The following FBXL7 variants were observed in gnomAD, a reference collection of about 807,000 sequenced individuals.
The protein encoded by FBXL7 is F-box and leucine rich repeat protein 7, also known as F-box/LRR-repeat protein 7.
A neutral mutation model predicts 38.3 loss-of-function variants in FBXL7; 12 were observed. The observed-to-expected ratio is 0.31, with a 90% CI of 0.20 to 0.51. The LOEUF (loss-of-function observed/expected upper bound fraction) is 0.51. FBXL7 is among the 20% of genes least tolerant of loss of function. The probability of loss-of-function intolerance (pLI) is 0.98; values close to 1 mark genes in which losing one functional copy is unlikely to be tolerated. For missense variants in FBXL7, 567 were observed against 676.4 expected, an observed-to-expected ratio of 0.84 and a Z score of 1.79; for synonymous variants, 297 against 300.9, an observed-to-expected ratio of 0.99 and a Z score of 0.13.
intron 3 of FBXL7, among the ~76,000 whole-genome samples, chr5:15,929,118 G>A (rs1358398515): frequency 6.6e-6 from 1 of 152,154 alleles, no homozygotes; most frequent in Non-Finnish European, 1.5e-5. Context: ...GTGTGTTTTC[G>A]TACCACGGGC....
intron 2 of FBXL7, among the ~76,000 whole-genome samples, chr5:15,670,090 G>A (rs952294595): frequency 4.6e-5 from 7 of 152,146 alleles, no homozygotes; most frequent in African/African-American, 1.2e-4. Flanking sequence ...GAGGGAAAGC[G>A]GGTGTGTTGT....
intron 2 of FBXL7, among the ~76,000 whole-genome samples, chr5:15,705,793 A>G (rs4391163): frequency 0.55 from 83,323 of 151,236 alleles, 23,057 homozygotes; most frequent in East Asian, 0.68. Context: ...TTCCTACCCA[A>G]ACTGAACTCA....
Position 15,579,907 on chromosome 5 carries a change from G to A in FBXL7, c.38-36076G>A, listed in dbSNP as rs146667446. ...CCAAGCTGCTTACATGGCAGGAGAA[G>A]CTTTCAAGAGTTGCTTATTCCAGGG... On this transcript the variant is annotated intron_variant, in intron 1 of 3. Transcript: ENST00000504595. 3.9e-3 allele frequency among the ~76,000 whole-genome samples: 590 copies of A among 152,318 alleles called. 7 individuals carry two copies. The highest frequency in any genetic ancestry group is 0.013 in the African/African-American group (553 of 41,572).
At chr5:15,772,026 C>A (rs1046969113) in intron 2 of FBXL7, among the ~76,000 whole-genome samples, 3 of 152,026 alleles carry the variant, frequency 2.0e-5, no homozygotes, top group Non-Finnish European at 4.4e-5. Flanking sequence ...CCGCCTGGGC[C>A]TCCCAAAGTG....
At chr5:15,668,175 A>C (rs1396624919) in intron 2 of FBXL7, among the ~76,000 whole-genome samples, 1 of 152,176 alleles carries the variant, frequency 6.6e-6, no homozygotes, top group Non-Finnish European at 1.5e-5. Context: ...AGTTAGGCAC[A>C]AATGCCCTTC....
chr5:15,516,678 G>A (rs776234432), intron 1 of FBXL7, among the ~76,000 whole-genome samples: 4 of 152,062 alleles, frequency 2.6e-5, no homozygotes, highest in East Asian at 1.9e-4. Context: ...CCCACATGTC[G>A]TGGGAGGGAC....
chr5:15,934,189 G>C (rs929853739), intron 3 of FBXL7, among the ~76,000 whole-genome samples: 1 of 152,104 alleles, frequency 6.6e-6, no homozygotes, highest in African/African-American at 2.4e-5. Flanking sequence ...GTTTTTAGTA[G>C]AGACGGGGTT....
At position 15,649,492 on chromosome 5, in the gene FBXL7, T is replaced by A. The variant is rs115497349; in HGVS notation, c.127+33420T>A. Among the ~76,000 whole-genome samples the A allele has an allele frequency of 8.6e-3, 1,308 of 152,266 alleles. 13 individuals carry two copies. Among genetic ancestry groups the A allele is most frequent in the African/African-American group, 0.03 (1,241 of 41,548 alleles). On this transcript the variant is annotated intron_variant, in intron 2 of 3. Coordinates refer to ENST00000504595, the MANE Select transcript of FBXL7 (RefSeq NM_012304.5). ...GATTCATGGGCAGTGAGGACAGTAA[T>A]GCTGTGAGGTCCGCAGAGAAGGGAA...
In FBXL7 at chr5:15,612,822, C is replaced by T. The variant is rs78374369; in HGVS notation, c.38-3161C>T. 8.2e-3 allele frequency among the ~76,000 whole-genome samples: 1,250 copies of T among 152,172 alleles called. 14 individuals carry two copies. The highest frequency in any genetic ancestry group is 0.028 in the African/African-American group (1,177 of 41,532). ...TATGCAGGTTGAGTCCTCACGCAGC[C>T]GGGAGTGGGCACGTGCATGCCAAAA... On this transcript the variant is annotated intron_variant, in intron 1 of 3. Transcript: ENST00000504595.
At chr5:15,752,772 C>G (rs1278160989) in intron 2 of FBXL7, among the ~76,000 whole-genome samples, 1 of 151,976 alleles carries the variant, frequency 6.6e-6, no homozygotes, top group Non-Finnish European at 1.5e-5. Flanking sequence ...ATAAATTCAC[C>G]CCTAACCTCA....
At chr5:15,735,188 C>T (rs1735714258) in intron 2 of FBXL7, among the ~76,000 whole-genome samples, 1 of 152,228 alleles carries the variant, frequency 6.6e-6, no homozygotes, top group Admixed American at 6.5e-5. Context: ...CTGCCTTGGC[C>T]TCCCAAAGTG....
chr5:15,698,797 T>A (rs1743427226), intron 2 of FBXL7, among the ~76,000 whole-genome samples: 1 of 152,180 alleles, frequency 6.6e-6, no homozygotes, highest in South Asian at 2.1e-4. Context: ...AAAGGATAGC[T>A]TAAATGACGC....
At chr5:15,711,461 T>C (rs1224794864) in intron 2 of FBXL7, among the ~76,000 whole-genome samples, 1 of 152,218 alleles carries the variant, frequency 6.6e-6, no homozygotes, top group Non-Finnish European at 1.5e-5. Flanking sequence ...TCTTAACTAA[T>C]TCAATTTGTT....
At chr5:15,820,588 T>C (rs191113546) in intron 2 of FBXL7, among the ~76,000 whole-genome samples, 17 of 152,248 alleles carry the variant, frequency 1.1e-4, no homozygotes, top group African/African-American at 3.9e-4. Flanking sequence ...CAATTTCAGT[T>C]TTCCTGTTTC....
intron 2 of FBXL7, among the ~76,000 whole-genome samples, chr5:15,621,241 T>A (rs1740630553): frequency 6.6e-6 from 1 of 152,160 alleles, no homozygotes; most frequent in South Asian, 2.1e-4. Context: ...TACAGCCCAT[T>A]GTATTTCTTG....
At chr5:15,882,921 G>A (rs922246720) in intron 2 of FBXL7, among the ~76,000 whole-genome samples, 1 of 151,324 alleles carries the variant, frequency 6.6e-6, no homozygotes, top group African/African-American at 2.4e-5. Context: ...TCATTGCAGG[G>A]ATTATAAATT....
chr5:15,802,391 C>T (rs781173069), intron 2 of FBXL7, among the ~76,000 whole-genome samples: 5 of 152,116 alleles, frequency 3.3e-5, no homozygotes, highest in African/African-American at 4.8e-5. Context: ...CCCGCCCCAC[C>T]GTCCCTCTGA....
chr5:15,704,022 A>AC (rs1743606914), intron 2 of FBXL7, among the ~76,000 whole-genome samples: 2 of 151,768 alleles, frequency 1.3e-5, no homozygotes, highest in Non-Finnish European at 2.9e-5. Context: ...ACAGAGACTG[A>AC]CTCTTCCCTG....
At chr5:15,572,783 T>G (rs1055254245) in intron 1 of FBXL7, among the ~76,000 whole-genome samples, 4 of 152,108 alleles carry the variant, frequency 2.6e-5, no homozygotes, top group African/African-American at 9.7e-5. Context: ...GTCTGTCTTC[T>G]CCCTTCATGC....
Sources: allele counts gnomAD v4.1 joint callset (sites outside exome capture counted in the v4.1 genomes callset), GRCh38; gene constraint gnomAD v4.1.1; transcripts MANE v1.5; gene names NCBI Gene and HGNC (gene_info 2026-07-23, HGNC 2026-07-21).